Variants in GRIP1 observed in about 807,000 individuals in gnomAD.
The protein encoded by GRIP1 is glutamate receptor interacting protein 1.
A neutral mutation model predicts 129.9 loss-of-function variants in GRIP1; 45 were observed. The ratio of observed to expected loss-of-function variants is 0.35; its 90% CI spans 0.27 to 0.44. The LOEUF (loss-of-function observed/expected upper bound fraction) is 0.44. Ranked by LOEUF, GRIP1 falls within the 20% of genes least tolerant of loss-of-function variation. The pLI is 1.00. For synonymous variants in GRIP1, 530 were observed against 520.8 expected (o/e 1.02, Z -0.24); for missense variants, 1,196 against 1,396.8 (o/e 0.86, Z 2.29).
chr12:66,571,697 A>G (rs2062965656), intron 2 of GRIP1, among the ~76,000 whole-genome samples: 1 of 152,232 alleles, frequency 6.6e-6, no homozygotes, highest in African/African-American at 2.4e-5. Context: ...AAAAGGACAT[A>G]TCTGTCAAAT....
intron 1 of GRIP1, among the ~76,000 whole-genome samples, chr12:66,790,606 G>A (rs960932945): frequency 6.6e-5 from 10 of 152,110 alleles, no homozygotes; most frequent in South Asian, 2.1e-4. Flanking sequence ...CTTAGATAAC[G>A]TAAGGAATGA....
At chr12:67,043,643 C>T (rs1054695879) in intron 1 of GRIP1, among the ~76,000 whole-genome samples, 2 of 152,136 alleles carry the variant, frequency 1.3e-5, no homozygotes, top group African/African-American at 4.8e-5. Context: ...TCATCATCAT[C>T]TTATTCTCCC....
At chr12:66,429,905 G>T (rs1024178737) in intron 14 of GRIP1, among the ~76,000 whole-genome samples, 6 of 152,134 alleles carry the variant, frequency 3.9e-5, no homozygotes, top group East Asian at 3.9e-4. Flanking sequence ...GCACAGAGAG[G>T]TTGAGGGAAT....
chr12:66,653,402 C>T (rs1225474984), intron 1 of GRIP1, among the ~76,000 whole-genome samples: 3 of 152,204 alleles, frequency 2.0e-5, no homozygotes, highest in African/African-American at 7.2e-5. Context: ...AACTTATCCC[C>T]TGGAAGTATC....
chr12:66,849,162 T>C (rs17827445), intron 1 of GRIP1, among the ~76,000 whole-genome samples: 43,367 of 151,960 alleles, frequency 0.29, 7,053 homozygotes, highest in East Asian at 0.41. Context: ...CTTTCTACCT[T>C]GGACAGCTAC....
intron 1 of GRIP1, among the ~76,000 whole-genome samples, chr12:66,602,330 A>G (rs1402518980): frequency 6.6e-6 from 1 of 152,188 alleles, no homozygotes; most frequent in Non-Finnish European, 1.5e-5. Context: ...GCTTTTTGAC[A>G]ACAGAGCTTA....
chr12:66,396,717 G>A (rs1441675562), intron 16 of GRIP1, among the ~76,000 whole-genome samples: 1 of 152,124 alleles, frequency 6.6e-6, no homozygotes, highest in African/African-American at 2.4e-5. Context: ...GATTACATTG[G>A]GGTGGAAACA....
intron 1 of GRIP1, among the ~76,000 whole-genome samples, chr12:67,037,980 C>T (rs1476429527): frequency 2.0e-5 from 3 of 152,154 alleles, no homozygotes; most frequent in Non-Finnish European, 2.9e-5. Context: ...CCTAAATATA[C>T]TGAAATTGGT....
intron 2 of GRIP1, among the ~76,000 whole-genome samples, chr12:66,566,957 T>A (rs2062784324): frequency 6.6e-6 from 1 of 152,218 alleles, no homozygotes; most frequent in Admixed American, 6.5e-5. Context: ...TAGTTTGTAT[T>A]TCCGTAGGAT....
At chr12:66,922,166 A>C (rs2041223997) in intron 1 of GRIP1, among the ~76,000 whole-genome samples, 1 of 152,234 alleles carries the variant, frequency 6.6e-6, no homozygotes, top group Non-Finnish European at 1.5e-5. Flanking sequence ...GAATGAGGAA[A>C]ACCAATTAAT....
rs369977399 is a variant in GRIP1, at chr12:66,869,243, A to G, written c.58+199807T>C. On this transcript the variant is annotated intron_variant, in intron 1 of 1. Coordinates refer to the GRIP1 transcript ENST00000643019. ...TTGAATTGAATCAACTCCTCACCAC[A>G]TAAGTAAGCACCACTGCTGGGTAGA... Among the ~76,000 whole-genome samples, 36 of 152,078 alleles carry G rather than the reference A, an allele frequency of 2.4e-4. No individual in the cohort carries two copies. In the East Asian group the frequency reaches 3.3e-3, roughly 14 times the overall value.
At chr12:66,892,195 C>T (rs1458489293) in intron 1 of GRIP1, among the ~76,000 whole-genome samples, 1 of 152,032 alleles carries the variant, frequency 6.6e-6, no homozygotes, top group Non-Finnish European at 1.5e-5. Flanking sequence ...GACTCTGGCT[C>T]TTAAAGTTGT....
chr12:66,523,934 G>T (rs1408207917), intron 5 of GRIP1, among the ~76,000 whole-genome samples: 3 of 152,110 alleles, frequency 2.0e-5, no homozygotes, highest in Non-Finnish European at 4.4e-5. Context: ...GACAAAGAAG[G>T]CCATTACATA....
intron 1 of GRIP1, among the ~76,000 whole-genome samples, chr12:66,911,798 T>A (rs2041033805): frequency 6.6e-6 from 1 of 152,190 alleles, no homozygotes; most frequent in Non-Finnish European, 1.5e-5. Flanking sequence ...GTTGGCATGT[T>A]CAATGTGTCA....
intron 1 of GRIP1, among the ~76,000 whole-genome samples, chr12:66,884,325 C>CT (rs56152664): frequency 0.96 from 146,322 of 152,312 alleles, 70,530 homozygotes; most frequent in East Asian, 1. Context: ...GAGAAATTGC[C>CT]CTCTCCAGCC....
intron 2 of GRIP1, among the ~76,000 whole-genome samples, chr12:66,583,506 C>A (rs1406388447): frequency 7.8e-6 from 1 of 128,456 alleles, no homozygotes; most frequent in Non-Finnish European, 1.7e-5. Flanking sequence ...GCAACCTACT[C>A]ATCTGACAAA....
intron 1 of GRIP1, among the ~76,000 whole-genome samples, chr12:67,027,388 T>C (rs2042955804): frequency 1.3e-5 from 2 of 152,218 alleles, no homozygotes; most frequent in Non-Finnish European, 2.9e-5. Flanking sequence ...ACGTAGCTGT[T>C]GAAATACAAA....
intron 1 of GRIP1, among the ~76,000 whole-genome samples, chr12:66,880,533 G>A (rs2040460494): frequency 2.0e-5 from 3 of 152,112 alleles, no homozygotes; most frequent in African/African-American, 7.2e-5. Context: ...GGCATAACCA[G>A]AGGATGAAGA....
intron 1 of GRIP1, among the ~76,000 whole-genome samples, chr12:66,652,084 G>C (rs918252108): frequency 1.3e-5 from 2 of 152,122 alleles, no homozygotes; most frequent in Non-Finnish European, 2.9e-5. Flanking sequence ...AAAATCAAAT[G>C]ACTTGAAACA....
Sources: allele counts gnomAD v4.1 joint callset (sites outside exome capture counted in the v4.1 genomes callset), GRCh38; gene constraint gnomAD v4.1.1; transcripts MANE v1.5; gene names NCBI Gene and HGNC (gene_info 2026-07-23, HGNC 2026-07-21).